The following ZNF107 variants were observed in gnomAD, a reference collection of about 807,000 sequenced individuals.
ZNF107 encodes the protein zinc finger protein 107, also known as C2H2 type zinc-finger protein.
A neutral mutation model predicts 12.3 loss-of-function variants in ZNF107; 19 were observed. That is an observed-to-expected ratio of 1.55 (90% CI 1.08 to 2.27). The LOEUF is 2.27. Ranked by LOEUF, ZNF107 falls within the 30% of genes most tolerant of loss-of-function variation. ZNF107 has a pLI of 0.00. For synonymous variants in ZNF107, 317 were observed against 330.5 expected (o/e 0.96, Z 0.44); for missense variants, 958 against 979.9 (o/e 0.98, Z 0.30).
intron 3 of ZNF107, among the ~76,000 whole-genome samples, chr7:64,695,373 A>T (rs987940569): frequency 1.3e-5 from 2 of 152,144 alleles, no homozygotes; most frequent in Non-Finnish European, 2.9e-5. Flanking sequence ...ATGAGTACAC[A>T]CTTAAATATT....
chr7:64,697,874 A>G (rs2128965293), intron 3 of ZNF107, among the ~76,000 whole-genome samples: 2 of 152,038 alleles, frequency 1.3e-5, no homozygotes, highest in East Asian at 3.9e-4. Flanking sequence ...TGTATTTTTT[A>G]GTAGAGACGG....
Position 64,691,949 on chromosome 7 carries a change from C to A in ZNF107, c.215C>A (p.Ala72Asp). 6.6e-7 allele frequency: 1 copy of A among 1,515,292 alleles called. No individual in the cohort carries two copies. Among genetic ancestry groups the A allele is most frequent in the Non-Finnish European group, 8.8e-7 (1 of 1,132,706 alleles). The allele number at this position is 1,515,292 out of a possible 1,614,324, so 93.9% of individuals were successfully genotyped here. A position where few individuals can be genotyped will look rare whatever the true frequency, so the allele number is the denominator to read the frequency against. ...AATATAAAAAGACATGAGATGGTAG[C>A]CAAACCCCCAGGTAGGTGAGAGTGA... ...PWNIKRHEMV[A>D]KPPVMSFHFA... The change falls in exon 3 of 4, where the codon GCC (alanine) becomes GAC (aspartate). Residue 72 changes from alanine to aspartate, a missense_variant. By Grantham distance (126) the Ala-to-Asp change is moderately radical. Transcript: ENST00000620827.
chr7:64,701,094 C>T (rs1790462325), intron 3 of ZNF107, among the ~76,000 whole-genome samples: 1 of 151,972 alleles, frequency 6.6e-6, no homozygotes, highest in Non-Finnish European at 1.5e-5. Context: ...TTACATGTTC[C>T]TGGTGAATTA....
chr7:64,674,570 T>C (rs1443523203), intron 1 of ZNF107, among the ~76,000 whole-genome samples: 1 of 152,236 alleles, frequency 6.6e-6, no homozygotes, highest in Non-Finnish European at 1.5e-5. Context: ...ACTTGTTTGC[T>C]TACTATTTGG....
At chr7:64,696,398 C>G (rs141681462) in intron 3 of ZNF107, among the ~76,000 whole-genome samples, 72 of 152,086 alleles carry the variant, frequency 4.7e-4, no homozygotes, top group African/African-American at 1.6e-3. Flanking sequence ...ACCTGTTTTC[C>G]CAGCTCTTTG....
chr7:64,694,528 T>C (rs2128963874), intron 3 of ZNF107, among the ~76,000 whole-genome samples: 1 of 152,096 alleles, frequency 6.6e-6, no homozygotes, highest in African/African-American at 2.4e-5. Context: ...TTTTGTTTTT[T>C]GTTTTTAAAG....
Position 64,666,208 on chromosome 7 carries a change from G to T in ZNF107, c.-75G>T. On this transcript the variant is annotated 5_prime_UTR_variant, in exon 1 of 4. Transcript: ENST00000620827. ...AGTGTCCTCTGCTCCTAGAGGCCCA[G>T]CCTCTGTGTCCCTGTGACCTGCAGA... 1.3e-6 allele frequency: 2 copies of T among 1,583,142 alleles called. No individual in the cohort carries two copies. Among genetic ancestry groups the T allele is most frequent in the Non-Finnish European group, 1.7e-6 (2 of 1,158,190 alleles).
intron 1 of ZNF107, chr7:64,679,255 C>T (rs1366472680): frequency 1.0e-6 from 1 of 985,058 alleles, no homozygotes; most frequent in Non-Finnish European, 1.2e-6. Flanking sequence ...TAACCCCTTC[C>T]CCCGACTTCT....
intron 1 of ZNF107, among the ~76,000 whole-genome samples, chr7:64,668,129 A>G (rs774278699): frequency 6.6e-6 from 1 of 152,038 alleles, no homozygotes; most frequent in Non-Finnish European, 1.5e-5. Flanking sequence ...CTGACTTGAC[A>G]CATGAGTCAG....
At chr7:64,694,239 C>A (rs1286541626) in intron 3 of ZNF107, among the ~76,000 whole-genome samples, 2 of 152,220 alleles carry the variant, frequency 1.3e-5, no homozygotes, top group African/African-American at 4.8e-5. Context: ...CTCCAGGCCT[C>A]TGGAAAGACA....
intron 1 of ZNF107, among the ~76,000 whole-genome samples, chr7:64,669,989 A>C (rs1789161072): frequency 6.6e-6 from 1 of 151,944 alleles, no homozygotes; most frequent in African/African-American, 2.4e-5. Context: ...CTTTCTTGGA[A>C]GCCTCCCCTG....
At chr7:64,687,871 T>C (rs941738032) in intron 1 of ZNF107, among the ~76,000 whole-genome samples, 1 of 152,184 alleles carries the variant, frequency 6.6e-6, no homozygotes, top group African/African-American at 2.4e-5. Flanking sequence ...AATTTTTCTT[T>C]TATTTATATT....
chr7:64,707,020 C>G lies in ZNF107; in HGVS notation c.923C>G (p.Thr308Ser), dbSNP rs1584492722. Residue 308 changes from threonine (T) to serine (S), a missense_variant, in exon 4 of 4, where the codon ACT becomes AGT. Thr to Ser is a moderately conservative substitution (Grantham distance 58). Coordinates refer to ENST00000620827, the MANE Select transcript of ZNF107 (RefSeq NM_001282359.2). ...SHLTTQKILHTGENLYKCKEC... is the reference protein window; with the variant it reads ...SHLTTQKILHSGENLYKCKEC... The stretch of plus-strand genomic sequence containing the variant: ...CTTACTACACAAAAGATACTTCACA[C>G]TGGAGAGAACCTCTACAAGTGTAAA... The G allele has an allele frequency of 6.2e-7, 1 of 1,613,286 alleles. No individual in the cohort carries two copies. Among genetic ancestry groups the G allele is most frequent in the Non-Finnish European group, 8.5e-7 (1 of 1,179,754 alleles).
Position 64,691,336 on chromosome 7 carries a change from A to G in ZNF107, c.92A>G (p.Asn31Ser). ...ACTGCACAGCGGGATTTATATAGGAATGTGTTGTTAGAGAACTACAGAAAC... is the reference window on the plus strand; with the variant it reads ...ACTGCACAGCGGGATTTATATAGGAGTGTGTTGTTAGAGAACTACAGAAAC... ...LDTAQRDLYR[N>S]VLLENYRNLV... Residue 31 changes from asparagine (N) to serine (S), a missense_variant, in exon 2 of 4, where the codon AAT (asparagine) becomes AGT (serine). Coordinates refer to ENST00000620827, the MANE Select transcript of ZNF107 (RefSeq NM_001282359.2). The G allele has an allele frequency of 6.5e-7, 1 of 1,532,578 alleles. No homozygotes were observed. The highest frequency in any genetic ancestry group is 2.0e-5 in the Admixed American group (1 of 49,038). 94.9% of individuals were successfully genotyped at this position (1,532,578 alleles called of 1,614,324 possible). A position where few individuals can be genotyped will look rare whatever the true frequency, so the allele number is the denominator to read the frequency against.
chr7:64,694,449 C>G (rs1283590516), intron 3 of ZNF107, among the ~76,000 whole-genome samples: 1 of 152,198 alleles, frequency 6.6e-6, no homozygotes, highest in Non-Finnish European at 1.5e-5. Flanking sequence ...AACTCCCTTC[C>G]TGGAACTCGG....
At chr7:64,666,721 A>T (rs1163124202) in intron 1 of ZNF107, among the ~76,000 whole-genome samples, 1 of 152,170 alleles carries the variant, frequency 6.6e-6, no homozygotes, top group Non-Finnish European at 1.5e-5. Flanking sequence ...TTAAAAATCT[A>T]TGGAAGTCAC....
chr7:64,678,664 T>C (rs1303455068), intron 1 of ZNF107, among the ~76,000 whole-genome samples: 1 of 152,216 alleles, frequency 6.6e-6, no homozygotes. Context: ...TTATGACTAG[T>C]ACACTAAAAT....
At chr7:64,678,659 A>G (rs1043044943) in intron 1 of ZNF107, among the ~76,000 whole-genome samples, 3 of 152,200 alleles carry the variant, frequency 2.0e-5, no homozygotes, top group Non-Finnish European at 4.4e-5. Flanking sequence ...ATACATTATG[A>G]CTAGTACACT....
At chr7:64,695,068 CAT>C (rs1346423803) in intron 3 of ZNF107, among the ~76,000 whole-genome samples, 1 of 151,812 alleles carries the variant, frequency 6.6e-6, no homozygotes, top group African/African-American at 2.4e-5. Flanking sequence ...CACACACACA[CAT>C]ACTTACACAT....
Sources: allele counts gnomAD v4.1 joint callset (sites outside exome capture counted in the v4.1 genomes callset), GRCh38; gene constraint gnomAD v4.1.1; transcripts MANE v1.5; gene names NCBI Gene and HGNC (gene_info 2026-07-23, HGNC 2026-07-21).